The following FBLN7 variants were observed in gnomAD, a reference collection of about 807,000 sequenced individuals.
FBLN7 encodes fibulin-7.
Under a neutral mutation model 44.0 loss-of-function variants are expected in FBLN7, and 31 were observed. The observed-to-expected ratio is 0.70, with a 90% confidence interval of 0.53 to 0.95. The LOEUF is 0.95. FBLN7 is among the 40% of genes least tolerant of loss of function. The pLI is 0.00. For synonymous variants in FBLN7, 262 were observed against 253.4 expected, an observed-to-expected ratio of 1.03 and a Z score of -0.32; for missense variants, 573 against 618.5, an observed-to-expected ratio of 0.93 and a Z score of 0.78.
chr2:112,203,147 T>G, the FBLN7 span, among the ~76,000 whole-genome samples: 1 of 152,188 alleles, frequency 6.6e-6, no homozygotes, highest in African/African-American at 2.4e-5. Context: ...TGTGCAGGGA[T>G]GAGAACATGC....
At chr2:112,194,489 G>A in the FBLN7 span, among the ~76,000 whole-genome samples, 15 of 152,028 alleles carry the variant, frequency 9.9e-5, no homozygotes, top group South Asian at 4.2e-4. Context: ...ACAGTGGCTC[G>A]TGTTACTAGC....
chr2:112,200,921 C>T, the FBLN7 span, among the ~76,000 whole-genome samples: 6 of 152,268 alleles, frequency 3.9e-5, no homozygotes, highest in South Asian at 2.1e-4. Context: ...AAAAGCAGCA[C>T]CCATTTAAAT....
chr2:112,242,315 A>G, the FBLN7 span, among the ~76,000 whole-genome samples: 1 of 152,234 alleles, frequency 6.6e-6, no homozygotes, highest in Non-Finnish European at 1.5e-5. Context: ...TGAAAACTAT[A>G]TAAAATTTAA....
chr2:112,157,378 AAAATT>A lies in FBLN7; in HGVS notation c.76-2284_76-2280del, dbSNP rs575820824. On this transcript the variant is annotated intron_variant, in intron 1 of 7. Transcript: ENST00000331203. ...GAGTGAGACTCTATCTCATTAAAAA[AAAATT>A]AAATTAAATTAAAACATAATCCATA... Among the ~76,000 whole-genome samples the A allele has an allele frequency of 8.6e-4, 131 of 152,262 alleles. 1 individual carries two copies. The highest frequency in any genetic ancestry group is 1.2e-3 in the East Asian group (6 of 5,176).
At chr2:112,232,613 C>T in the FBLN7 span, among the ~76,000 whole-genome samples, 1 of 152,138 alleles carries the variant, frequency 6.6e-6, no homozygotes, top group Non-Finnish European at 1.5e-5. Context: ...AACGACATAT[C>T]TTACAAATCT....
chr2:112,233,764 G>A, the FBLN7 span, among the ~76,000 whole-genome samples: 3 of 152,086 alleles, frequency 2.0e-5, no homozygotes, highest in Non-Finnish European at 2.9e-5. Context: ...AGCTACTTGG[G>A]AGGCTGAGGC....
intron 1 of FBLN7, among the ~76,000 whole-genome samples, chr2:112,143,053 C>T (rs1680731552): frequency 6.6e-6 from 1 of 152,102 alleles, no homozygotes; most frequent in Non-Finnish European, 1.5e-5. Context: ...GATGGAGTCT[C>T]ATCTCTCTCC....
downstream of FBLN7, chr2:112,190,426 A>G (rs1249413734): frequency 1.3e-5 from 2 of 152,212 alleles, no homozygotes; most frequent in African/African-American, 4.8e-5. Flanking sequence ...TGGTTTGTAT[A>G]AGAAAAGTAG....
chr2:112,178,455 C>T (rs985951324), intron 4 of FBLN7, among the ~76,000 whole-genome samples: 5 of 152,152 alleles, frequency 3.3e-5, no homozygotes, highest in Admixed American at 1.3e-4. Context: ...CCTACAGAAA[C>T]TATTCCAAAA....
Position 112,187,046 on chromosome 2 carries a change from G to A in FBLN7, c.948-88G>A, listed in dbSNP as rs890328780. 176 of 1,528,146 alleles carry A rather than the reference G, an allele frequency of 1.2e-4. No homozygotes were observed. The highest frequency in any genetic ancestry group is 1.5e-4 in the Non-Finnish European group (165 of 1,131,294). The allele number at this position is 1,528,146 out of a possible 1,614,324, so 94.7% of individuals were successfully genotyped here. Reference sequence around the variant, plus strand: ...GGGAAAGGTCATCTAGGTGGCCTCTGCAAGAGGGCAGGTGGGCAGCCGGGT... The same window carrying A: ...GGGAAAGGTCATCTAGGTGGCCTCTACAAGAGGGCAGGTGGGCAGCCGGGT... On this transcript the variant is annotated intron_variant, in intron 7 of 7. Transcript: ENST00000331203. The surrounding 1 kb of genome is among the most constrained non-coding windows in gnomAD (Gnocchi z 5.1).
At chr2:112,142,240 G>A (rs1209596345) in intron 1 of FBLN7, among the ~76,000 whole-genome samples, 1 of 152,108 alleles carries the variant, frequency 6.6e-6, no homozygotes, top group Non-Finnish European at 1.5e-5. Flanking sequence ...GCTCAAATAA[G>A]TAATCCTCTG....
chr2:112,169,246 C>T (rs10181404), intron 3 of FBLN7, among the ~76,000 whole-genome samples: 6 of 152,150 alleles, frequency 3.9e-5, no homozygotes, highest in African/African-American at 1.4e-4. Context: ...GCACTCCAGC[C>T]TGGGTGACAC....
At chr2:112,183,215 A>G (rs73954813) in intron 6 of FBLN7, among the ~76,000 whole-genome samples, 3,921 of 152,326 alleles carry the variant, frequency 0.026, 159 homozygotes, top group African/African-American at 0.089. Flanking sequence ...TACCCACTCA[A>G]CAATTCCTTC....
At chr2:112,139,535 C>T (rs1185264495) in intron 1 of FBLN7, among the ~76,000 whole-genome samples, 1 of 306 alleles carries the variant, frequency 3.3e-3, no homozygotes. Context: ...TCCAGGTCAG[C>T]GTCCCTCCCG....
intron 1 of FBLN7, among the ~76,000 whole-genome samples, chr2:112,144,280 A>G (rs1460421526): frequency 6.6e-6 from 1 of 152,222 alleles, no homozygotes; most frequent in Non-Finnish European, 1.5e-5. Context: ...GACAATTCTG[A>G]TGTTAGTTCT....
At position 112,138,541 on chromosome 2, in the gene FBLN7, C is replaced by G; in HGVS notation, c.-115C>G. Reference sequence around the variant, plus strand: ...GCCTCCCCCCCTGCCCCAGCCGCCCCCCGGCCGCGCGGCGCCCCGCACCCT... The same window carrying G: ...GCCTCCCCCCCTGCCCCAGCCGCCCGCCGGCCGCGCGGCGCCCCGCACCCT... On this transcript the variant is annotated 5_prime_UTR_variant, in exon 1 of 8. Coordinates refer to ENST00000331203, the MANE Select transcript of FBLN7 (RefSeq NM_153214.3). The G allele has an allele frequency of 1.3e-6, 2 of 1,485,762 alleles. No homozygotes were observed. Among genetic ancestry groups the G allele is most frequent in the Middle Eastern group, 2.4e-4 (1 of 4,164 alleles). The allele number at this position is 1,485,762 out of a possible 1,614,324, so 92.0% of individuals were successfully genotyped here.
the FBLN7 span, among the ~76,000 whole-genome samples, chr2:112,224,907 G>A: frequency 6.6e-6 from 1 of 152,266 alleles, no homozygotes; most frequent in Non-Finnish European, 1.5e-5. Context: ...GTAGCCACAT[G>A]GTTATACACA....
the FBLN7 span, among the ~76,000 whole-genome samples, chr2:112,202,165 G>A: frequency 1.3e-5 from 2 of 152,102 alleles, no homozygotes; most frequent in Admixed American, 6.6e-5. Context: ...ATGGAGTAAA[G>A]GTCCCAAATT....
In FBLN7 at chr2:112,160,273, G is replaced by A. The variant is rs150578257; in HGVS notation, c.235+438G>A. Among the ~76,000 whole-genome samples, 1,073 of 152,170 alleles carry A rather than the reference G, an allele frequency of 7.1e-3. 10 individuals carry two copies. Among genetic ancestry groups the A allele is most frequent in the African/African-American group, 0.019 (795 of 41,516 alleles). On this transcript the variant is annotated intron_variant, in intron 2 of 7. Transcript: ENST00000331203. ...CCAAAGTGCTGGGATGACAGGCGTG[G>A]GCCACCGCGCCGGGCCAATCTGTGG...
Sources: allele counts gnomAD v4.1 joint callset (sites outside exome capture counted in the v4.1 genomes callset), GRCh38; gene constraint gnomAD v4.1.1; non-coding constraint Gnocchi (gnomAD v3.1); transcripts MANE v1.5; gene names NCBI Gene and HGNC (gene_info 2026-07-23, HGNC 2026-07-21).